Variants in ARSG observed in about 807,000 individuals in gnomAD.
ARSG encodes ASG.
Under a neutral mutation model 50.5 loss-of-function variants are expected in ARSG, and 37 were observed. That is an observed-to-expected ratio of 0.73 (90% CI 0.56 to 0.96). The LOEUF (loss-of-function observed/expected upper bound fraction) is 0.96. Ranked by LOEUF, ARSG falls within the 50% of genes least tolerant of loss-of-function variation. The probability of loss-of-function intolerance (pLI) is 0.00; values close to 1 mark genes in which losing one functional copy is unlikely to be tolerated. For synonymous variants in ARSG, 225 were observed against 254.6 expected, an observed-to-expected ratio of 0.88 and a Z score of 1.11; for missense variants, 629 against 675.3, an observed-to-expected ratio of 0.93 and a Z score of 0.76.
At chr17:68,340,599 A>C (rs565005962) in intron 2 of ARSG, among the ~76,000 whole-genome samples, 1 of 152,174 alleles carries the variant, frequency 6.6e-6, no homozygotes, top group Admixed American at 6.6e-5. Context: ...TTGTTTTTTG[A>C]TGCCCACATT....
chr17:68,408,327 A>AT (rs2081836735), intron 11 of ARSG, among the ~76,000 whole-genome samples: 1 of 126,244 alleles, frequency 7.9e-6, no homozygotes, highest in African/African-American at 3.1e-5. Context: ...TCCTGTGTCC[A>AT]TGTGTTCTCA....
chr17:68,442,811 G>T, the ARSG span, among the ~76,000 whole-genome samples: 2 of 152,190 alleles, frequency 1.3e-5, no homozygotes, highest in African/African-American at 4.8e-5. Flanking sequence ...AAAGGCTGCT[G>T]GCGCACCTGT....
At chr17:68,259,907 G>A (rs139858600) in intron 1 of ARSG, among the ~76,000 whole-genome samples, 15 of 152,206 alleles carry the variant, frequency 9.9e-5, no homozygotes, top group African/African-American at 3.6e-4. Flanking sequence ...CTTATTTCAG[G>A]AAAAGGTCAT....
intron 1 of ARSG, among the ~76,000 whole-genome samples, chr17:68,296,249 T>G (rs1359933521): frequency 6.6e-6 from 1 of 152,160 alleles, no homozygotes; most frequent in African/African-American, 2.4e-5. Flanking sequence ...GAGTCACGCT[T>G]TCTTCAGATA....
At chr17:68,318,205 A>G (rs1485799703) in intron 2 of ARSG, among the ~76,000 whole-genome samples, 1 of 152,168 alleles carries the variant, frequency 6.6e-6, no homozygotes. Context: ...AAGAGGACCA[A>G]TGCATTCTGT....
chr17:68,291,064 G>C (rs1247566936), upstream of ARSG: 2 of 152,180 alleles, frequency 1.3e-5, no homozygotes, highest in Non-Finnish European at 2.9e-5. Flanking sequence ...TTTTAAACAT[G>C]TAAAATAATA....
intron 2 of ARSG, among the ~76,000 whole-genome samples, chr17:68,342,861 G>A (rs2078332572): frequency 6.6e-6 from 1 of 152,166 alleles, no homozygotes; most frequent in Admixed American, 6.5e-5. Context: ...AACCAGAAGG[G>A]AGAGGGTCAC....
chr17:68,405,923 C>T (rs1024905479), intron 11 of ARSG, among the ~76,000 whole-genome samples: 5 of 152,218 alleles, frequency 3.3e-5, no homozygotes, highest in African/African-American at 9.6e-5. Context: ...TATTGGGATA[C>T]ACGTGGTGTT....
intron 2 of ARSG, among the ~76,000 whole-genome samples, chr17:68,336,173 A>G (rs1228372291): frequency 6.6e-6 from 1 of 151,478 alleles, no homozygotes; most frequent in Non-Finnish European, 1.5e-5. Flanking sequence ...TGCTGGGATT[A>G]CAGGTGTCAG....
At chr17:68,342,961 A>G (rs148691024) in intron 2 of ARSG, among the ~76,000 whole-genome samples, 109 of 152,304 alleles carry the variant, frequency 7.2e-4, no homozygotes, top group African/African-American at 2.6e-3. Flanking sequence ...AAATCACCTC[A>G]AGTATTGATT....
intron 2 of ARSG, among the ~76,000 whole-genome samples, chr17:68,337,969 C>T (rs1481452183): frequency 2.6e-5 from 4 of 152,156 alleles, no homozygotes; most frequent in Non-Finnish European, 5.9e-5. Flanking sequence ...CAGCACCGCT[C>T]GCTCCAGGAA....
chr17:68,359,698 C>T (rs1393080313), intron 6 of ARSG: 1 of 152,282 alleles, frequency 6.6e-6, no homozygotes, highest in African/African-American at 2.4e-5. Flanking sequence ...TTTTTAGAAG[C>T]TCAGCAGGGA....
At chr17:68,450,732 C>T in the ARSG span, 18 of 1,604,862 alleles carry the variant, frequency 1.1e-5, no homozygotes, top group South Asian at 7.8e-5. Flanking sequence ...ACTTACTTGC[C>T]GGTTCAGCCT....
intron 2 of ARSG, among the ~76,000 whole-genome samples, chr17:68,324,390 C>A (rs1341915727): frequency 1.3e-5 from 2 of 152,164 alleles, no homozygotes; most frequent in Non-Finnish European, 2.9e-5. Context: ...AAGCATGACT[C>A]TCAGGACCTT....
At chr17:68,408,807 G>C (rs1284523869) in intron 11 of ARSG, among the ~76,000 whole-genome samples, 2 of 151,734 alleles carry the variant, frequency 1.3e-5, no homozygotes, top group African/African-American at 2.4e-5. Flanking sequence ...ACTTTTTAAT[G>C]ATTGCCATTC....
At chr17:68,351,046 C>T (rs549265378) in intron 4 of ARSG, among the ~76,000 whole-genome samples, 1 of 152,216 alleles carries the variant, frequency 6.6e-6, no homozygotes, top group East Asian at 1.9e-4. Flanking sequence ...CCATCTCTAT[C>T]GGGGGTAACT....
chr17:68,287,943 C>T (rs1007712151), upstream of ARSG, among the ~76,000 whole-genome samples: 7 of 148,244 alleles, frequency 4.7e-5, no homozygotes, highest in Admixed American at 1.4e-4. Flanking sequence ...TTCTTCTCTT[C>T]TCTCTCTCTT....
chr17:68,352,191 CAG>C (rs1216424459), intron 5 of ARSG, among the ~76,000 whole-genome samples: 4 of 122,576 alleles, frequency 3.3e-5, no homozygotes, highest in African/African-American at 6.6e-5. Context: ...GAGACAGAGA[CAG>C]AGAGAGAGAG....
chr17:68,445,717 C>T, the ARSG span, among the ~76,000 whole-genome samples: 2 of 152,196 alleles, frequency 1.3e-5, no homozygotes, highest in Admixed American at 6.5e-5. Flanking sequence ...AGGAATATAA[C>T]GCATAGCCCA....
Sources: allele counts gnomAD v4.1 joint callset (sites outside exome capture counted in the v4.1 genomes callset), GRCh38; gene constraint gnomAD v4.1.1; transcripts MANE v1.5; gene names NCBI Gene and HGNC (gene_info 2026-07-23, HGNC 2026-07-21).